Variants in PLEKHG3 observed in about 807,000 individuals in gnomAD.
The protein encoded by PLEKHG3 is pleckstrin homology and RhoGEF domain containing G3.
A neutral mutation model predicts 94.9 loss-of-function variants in PLEKHG3; 62 were observed. That is an observed-to-expected ratio of 0.65 (90% confidence interval 0.53 to 0.81). PLEKHG3 has a LOEUF of 0.81. Ranked by LOEUF, PLEKHG3 falls within the 30% of genes least tolerant of loss-of-function variation. The pLI, the probability that PLEKHG3 is intolerant of heterozygous loss-of-function variation, is 0.00. For synonymous variants in PLEKHG3, 614 were observed against 654.0 expected (o/e 0.94, Z 0.93); for missense variants, 1,461 against 1,619.3 (o/e 0.90, Z 1.68).
At position 64,728,073 on chromosome 14, in the gene PLEKHG3, G is replaced by C; in HGVS notation, c.351+91G>C. The C allele has an allele frequency of 1.2e-6, 1 of 840,982 alleles. No homozygotes were observed. Among genetic ancestry groups the C allele is most frequent in the Non-Finnish European group, 1.8e-6 (1 of 558,762 alleles). 52.1% of individuals were successfully genotyped at this position (840,982 alleles called of 1,614,324 possible). ...TCTCAAAAGACCTGCTTCCCATAAA[G>C]TAGTTGGAGAACTGGGGTCTCCCAC... On this transcript the variant is annotated intron_variant, in intron 2 of 16. Coordinates refer to ENST00000247226, the MANE Select transcript of PLEKHG3 (RefSeq NM_001308147.2). The surrounding 1 kb of genome is among the most constrained non-coding windows in gnomAD (Gnocchi z 5.9).
rs2081171426 is a variant in PLEKHG3 at position 64,716,817 on chromosome 14, C to T, written c.-39-10776C>T. Reference sequence around the variant, plus strand: ...CAAGGAGTAGACGCTGCTTCCTCGGCCGTGTCTCTACACGTGTGCACCCCA... The same window carrying T: ...CAAGGAGTAGACGCTGCTTCCTCGGTCGTGTCTCTACACGTGTGCACCCCA... On this transcript the variant is annotated intron_variant, in intron 1 of 16. Coordinates refer to ENST00000247226, the MANE Select transcript of PLEKHG3 (RefSeq NM_001308147.2). The surrounding 1 kb of genome is among the most constrained non-coding windows in gnomAD (Gnocchi z 5.0). Among the ~76,000 whole-genome samples, 1 of 152,070 alleles carries T rather than the reference C, an allele frequency of 6.6e-6. No individual in the cohort carries two copies. Among genetic ancestry groups the T allele is most frequent in the Non-Finnish European group, 1.5e-5 (1 of 67,998 alleles).
In PLEKHG3 at chr14:64,747,431, G is replaced by A. The variant is rs2081864334; in HGVS notation, c.*3728G>A. On this transcript the variant is annotated 3_prime_UTR_variant, in exon 17 of 17. Coordinates refer to ENST00000247226, the MANE Select transcript of PLEKHG3 (RefSeq NM_001308147.2). The stretch of plus-strand genomic sequence containing the variant: ...GAGGCTGGTGAGTGATACACACTAG[G>A]TTCCCTGTATAGGGTCATATGTACC... 1.3e-5 allele frequency: 2 copies of A among 152,672 alleles called. No individual in the cohort carries two copies. The highest frequency in any genetic ancestry group is 4.1e-4 in the South Asian group (2 of 4,832). 9.5% of individuals were successfully genotyped at this position (152,672 alleles called of 1,614,324 possible).
rs2081610589 is a variant in PLEKHG3, at chr14:64,738,088, CAGA to C, written c.1405-653_1405-651del. The C allele has an allele frequency of 7.7e-7, 1 of 1,302,466 alleles. No individual in the cohort carries two copies. Among genetic ancestry groups the C allele is most frequent in the African/African-American group, 1.5e-5 (1 of 66,098 alleles). The allele number at this position is 1,302,466 out of a possible 1,614,324, so 80.7% of individuals were successfully genotyped here. ...GGGGCTGGGCCGGAGCCCCCAGGCT[CAGA>C]GGAGGAGGAGGAGGAGCAGGAGGAG... On this transcript the variant is annotated intron_variant, in intron 14 of 16. Coordinates refer to ENST00000247226, the MANE Select transcript of PLEKHG3 (RefSeq NM_001308147.2). The surrounding 1 kb of genome is among the most constrained non-coding windows in gnomAD (Gnocchi z 4.8).
At position 64,731,729 on chromosome 14, in the gene PLEKHG3, C is replaced by A; in HGVS notation, c.1048C>A (p.Leu350Met). ...KGNIPCSSLM[L>M]IESTRDSLCF... ...CTGCCCCTAGTGCTCCTCCCTGATG[C>A]TGATCGAAAGCACCAGAGACTCCCT... The change falls in exon 9 of 17, where the codon CTG becomes ATG. Residue 350 changes from leucine (L) to methionine (M), a missense_variant. Transcript: ENST00000247226. This position sits in a 1 kb window ranked among gnomAD's most constrained non-coding sequence, Gnocchi z 6.1. 6.2e-7 allele frequency: 1 copy of A among 1,613,106 alleles called. No homozygotes were observed. Among genetic ancestry groups the A allele is most frequent in the Non-Finnish European group, 8.5e-7 (1 of 1,179,128 alleles).
chr14:64,705,222 G>A (rs955334807), intron 1 of PLEKHG3, among the ~76,000 whole-genome samples: 1 of 152,222 alleles, frequency 6.6e-6, no homozygotes, highest in African/African-American at 2.4e-5. Flanking sequence ...GGCCAGAAGC[G>A]GGGAGCGGAA....
chr14:64,734,727 T>C (rs2081537881), intron 12 of PLEKHG3, among the ~76,000 whole-genome samples: 1 of 136,024 alleles, frequency 7.4e-6, no homozygotes, highest in Non-Finnish European at 1.6e-5. Flanking sequence ...CCTTCCTTCC[T>C]TCTTTCCTTC....
rs779000602 is a variant in PLEKHG3, at chr14:64,748,934, CTCTT to C, written c.*5233_*5236del. The C allele has an allele frequency of 2.6e-3, 422 of 161,104 alleles. 5 individuals carry two copies. Among genetic ancestry groups the C allele is most frequent in the African/African-American group, 4.6e-3 (136 of 29,568 alleles). 10.0% of individuals were successfully genotyped at this position (161,104 alleles called of 1,614,324 possible). A position where few individuals can be genotyped will look rare whatever the true frequency, so the allele number is the denominator to read the frequency against. On this transcript the variant is annotated 3_prime_UTR_variant, in exon 17 of 17. Transcript: ENST00000247226. The stretch of plus-strand genomic sequence containing the variant: ...GAAGAACCCCATCAGCCTTCTCCAG[CTCTT>C]TTTTTTTTTTTTTTTTGGTTGGGGG...
Position 64,715,992 on chromosome 14 carries a change from A to T in PLEKHG3, c.-40+11288A>T, listed in dbSNP as rs1050403767. The T allele has an allele frequency of 2.2e-6, 1 of 455,266 alleles. No individual in the cohort carries two copies. Among genetic ancestry groups the T allele is most frequent in the Non-Finnish European group, 4.4e-6 (1 of 226,766 alleles). 28.2% of individuals were successfully genotyped at this position (455,266 alleles called of 1,614,324 possible). A position where few individuals can be genotyped will look rare whatever the true frequency, so the allele number is the denominator to read the frequency against. On this transcript the variant is annotated intron_variant, in intron 1 of 16. Coordinates refer to ENST00000247226, the MANE Select transcript of PLEKHG3 (RefSeq NM_001308147.2). The surrounding 1 kb of genome is among the most constrained non-coding windows in gnomAD (Gnocchi z 4.4). Reference sequence around the variant, plus strand: ...TTGGTGGCAGCTCGCTGCTCACCCCAAGCCTGTTAACTGCTAGGTTGCCGG... The same window carrying T: ...TTGGTGGCAGCTCGCTGCTCACCCCTAGCCTGTTAACTGCTAGGTTGCCGG...
rs1401991767 is a variant in PLEKHG3 at position 64,723,784 on chromosome 14, A to G, written c.-39-3809A>G. ...CCACAGTGCTGGGATTACAGGCGTGAGCCATCATGCCTGGCCGAGAAAGCG... is the reference window on the plus strand; with the variant it reads ...CCACAGTGCTGGGATTACAGGCGTGGGCCATCATGCCTGGCCGAGAAAGCG... On this transcript the variant is annotated intron_variant, in intron 1 of 16. Coordinates refer to ENST00000247226, the MANE Select transcript of PLEKHG3 (RefSeq NM_001308147.2). The surrounding 1 kb of genome is among the most constrained non-coding windows in gnomAD (Gnocchi z 4.5). 1 of 152,240 alleles carries G rather than the reference A, an allele frequency of 6.6e-6. No individual in the cohort carries two copies. Among genetic ancestry groups the G allele is most frequent in the Non-Finnish European group, 1.5e-5 (1 of 68,098 alleles). 9.4% of individuals were successfully genotyped at this position (152,240 alleles called of 1,614,324 possible).
Position 64,738,877 on chromosome 14 carries a change from T to C in PLEKHG3, c.1518+22T>C, listed in dbSNP as rs2081629517. ...AGAGGTGAGCGACCAGCAGGTGGGA[T>C]GGGGATAGTAGGAAGAACTTGGAGT... On this transcript the variant is annotated intron_variant, in intron 15 of 16. Coordinates refer to ENST00000247226, the MANE Select transcript of PLEKHG3 (RefSeq NM_001308147.2). This position sits in a 1 kb window ranked among gnomAD's most constrained non-coding sequence, Gnocchi z 4.8. The C allele has an allele frequency of 6.9e-7, 1 of 1,455,884 alleles. No individual in the cohort carries two copies. Among genetic ancestry groups the C allele is most frequent in the Admixed American group, 1.9e-5 (1 of 52,188 alleles). 90.2% of individuals were successfully genotyped at this position (1,455,884 alleles called of 1,614,324 possible). A position where few individuals can be genotyped will look rare whatever the true frequency, so the allele number is the denominator to read the frequency against.
In PLEKHG3 at chr14:64,721,134, G is replaced by T. The variant is rs896323527; in HGVS notation, c.-39-6459G>T. ...AGGGTCAGGCTGTAGATATCCTTGG[G>T]TGGGGGCATTATTCAGCTTACACTA... On this transcript the variant is annotated intron_variant, in intron 1 of 16. Transcript: ENST00000247226. This position sits in a 1 kb window ranked among gnomAD's most constrained non-coding sequence, Gnocchi z 4.3. Among the ~76,000 whole-genome samples, 1 of 152,204 alleles carries T rather than the reference G, an allele frequency of 6.6e-6. No individual in the cohort carries two copies. The highest frequency in any genetic ancestry group is 6.5e-5 in the Admixed American group (1 of 15,282).
At position 64,744,464 on chromosome 14, in the gene PLEKHG3, GCTT is replaced by G. The variant is rs2081791396; in HGVS notation, c.*762_*764del. On this transcript the variant is annotated 3_prime_UTR_variant, in exon 17 of 17. Transcript: ENST00000247226. ...CCTTCCACACTCAATTGTCACTTGG[GCTT>G]ATGAAACATAAGGCACCCGGGTACT... 1.3e-5 allele frequency: 2 copies of G among 152,414 alleles called. No homozygotes were observed. The highest frequency in any genetic ancestry group is 4.8e-5 in the African/African-American group (2 of 41,440). 9.4% of individuals were successfully genotyped at this position (152,414 alleles called of 1,614,324 possible).
rs1420094962 is a variant in PLEKHG3, at chr14:64,715,439, G to A, written c.-40+10735G>A. ...ATATAGAGAATGTGTTTTGCCTTAT[G>A]TCTGGTATACTCGAATAAATGCTAG... On this transcript the variant is annotated intron_variant, in intron 1 of 16. Transcript: ENST00000247226. This position sits in a 1 kb window ranked among gnomAD's most constrained non-coding sequence, Gnocchi z 4.4. Among the ~76,000 whole-genome samples, 2 of 152,172 alleles carry A rather than the reference G, an allele frequency of 1.3e-5. No individual in the cohort carries two copies. The highest frequency in any genetic ancestry group is 4.8e-5 in the African/African-American group (2 of 41,438).
rs1306826771 is a variant in PLEKHG3 at position 64,716,315 on chromosome 14, G to C, written c.-39-11278G>C. ...TTCTTAGTGGACTGTCATGTGTCTG[G>C]GTGACACAGCAAGACAGCCCTTTTG... On this transcript the variant is annotated intron_variant, in intron 1 of 16. Coordinates refer to ENST00000247226, the MANE Select transcript of PLEKHG3 (RefSeq NM_001308147.2). This position sits in a 1 kb window ranked among gnomAD's most constrained non-coding sequence, Gnocchi z 5.0. Among the ~76,000 whole-genome samples the C allele has an allele frequency of 6.6e-6, 1 of 152,046 alleles. No individual in the cohort carries two copies. The highest frequency in any genetic ancestry group is 1.5e-5 in the Non-Finnish European group (1 of 68,002).
In PLEKHG3 at chr14:64,732,708, G is replaced by A. The variant is rs138020708; in HGVS notation, c.1247-95G>A. 8 of 933,552 alleles carry A rather than the reference G, an allele frequency of 8.6e-6. No homozygotes were observed. The highest frequency in any genetic ancestry group is 8.2e-5 in the African/African-American group (5 of 60,636). The allele number at this position is 933,552 out of a possible 1,614,324, so 57.8% of individuals were successfully genotyped here. On this transcript the variant is annotated intron_variant, in intron 11 of 16. Coordinates refer to ENST00000247226, the MANE Select transcript of PLEKHG3 (RefSeq NM_001308147.2). The surrounding 1 kb of genome is among the most constrained non-coding windows in gnomAD (Gnocchi z 4.9). Reference sequence around the variant, plus strand: ...TGGAGGCTCCTGGCCCTGGAGCTGGGTGGGTATAGAGGTCTGGCTGGTTAT... The same window carrying A: ...TGGAGGCTCCTGGCCCTGGAGCTGGATGGGTATAGAGGTCTGGCTGGTTAT...
At chr14:64,708,333 G>T (rs1192808775) in intron 1 of PLEKHG3, among the ~76,000 whole-genome samples, 1 of 152,166 alleles carries the variant, frequency 6.6e-6, no homozygotes, top group East Asian at 1.9e-4. Flanking sequence ...CTGCCTCACA[G>T]CTGGGAAGGC....
chr14:64,731,731 G>A lies in PLEKHG3; in HGVS notation c.1050G>A (p.Leu350=), dbSNP rs749772952. 6 of 1,613,144 alleles carry A rather than the reference G, an allele frequency of 3.7e-6. No homozygotes were observed. In the East Asian group the frequency reaches 1.1e-4, roughly 30 times the overall value. Residue 350 remains leucine (L), a synonymous_variant, in exon 9 of 17, where the codon CTG becomes CTA. Transcript: ENST00000247226. This position sits in a 1 kb window ranked among gnomAD's most constrained non-coding sequence, Gnocchi z 6.1. ...GCCCCTAGTGCTCCTCCCTGATGCT[G>A]ATCGAAAGCACCAGAGACTCCCTGT... is the stretch of plus-strand genomic sequence containing the variant. ...KGNIPCSSLM[L]IESTRDSLCF... is the part of the protein sequence containing the mutation.
chr14:64,746,617 AG>A lies in PLEKHG3; in HGVS notation c.*2915del. ...GCAGGAAGGAGGAGGGATGCGGAGG[AG>A]AGGCTGAGCCTTCCACGGGCCTCCT... On this transcript the variant is annotated 3_prime_UTR_variant, in exon 17 of 17. Transcript: ENST00000247226. This position sits in a 1 kb window ranked among gnomAD's most constrained non-coding sequence, Gnocchi z 4.9. The A allele has an allele frequency of 6.6e-6, 1 of 152,442 alleles. No individual in the cohort carries two copies. The highest frequency in any genetic ancestry group is 1.9e-4 in the East Asian group (1 of 5,136). The allele number at this position is 152,442 out of a possible 1,614,324, so 9.4% of individuals were successfully genotyped here. A position where few individuals can be genotyped will look rare whatever the true frequency, so the allele number is the denominator to read the frequency against.
rs1046088703 is a variant in PLEKHG3 at position 64,728,802 on chromosome 14, C to T, written c.352-194C>T. Among the ~76,000 whole-genome samples, 2 of 152,156 alleles carry T rather than the reference C, an allele frequency of 1.3e-5. No individual in the cohort carries two copies. Among genetic ancestry groups the T allele is most frequent in the African/African-American group, 4.8e-5 (2 of 41,438 alleles). ...CTTGAGATCCTTAACTAATGGCATC[C>T]ACAAAGACCTTATTTCCAAATAAAG... On this transcript the variant is annotated intron_variant, in intron 2 of 16. Coordinates refer to ENST00000247226, the MANE Select transcript of PLEKHG3 (RefSeq NM_001308147.2). The surrounding 1 kb of genome is among the most constrained non-coding windows in gnomAD (Gnocchi z 5.9).
Sources: gnomAD v4.1 joint callset for allele counts (sites outside exome capture counted in the v4.1 genomes callset) on GRCh38, gnomAD v4.1.1 for gene constraint, Gnocchi (gnomAD v3.1) non-coding constraint, MANE v1.5 for transcripts, NCBI Gene and HGNC (gene_info 2026-07-23, HGNC 2026-07-21) for gene names.